Variants in DIAPH3 observed in about 807,000 individuals in gnomAD.
The protein encoded by DIAPH3 is protein diaphanous homolog 3.
Under a neutral mutation model 144.3 loss-of-function variants are expected in DIAPH3, and 117 were observed. The observed-to-expected ratio is 0.81, with a 90% CI of 0.70 to 0.95. The LOEUF (loss-of-function observed/expected upper bound fraction) is 0.95. DIAPH3 is among the 40% of genes least tolerant of loss of function. The pLI is 0.00. For missense variants in DIAPH3, 1,421 were observed against 1,412.7 expected, an observed-to-expected ratio of 1.01 and a Z score of -0.09; for synonymous variants, 519 against 488.9, an observed-to-expected ratio of 1.06 and a Z score of -0.81.
intron 2 of DIAPH3, among the ~76,000 whole-genome samples, chr13:60,114,215 T>C (rs2058643407): frequency 6.9e-6 from 1 of 145,816 alleles, no homozygotes. Context: ...AACGATATAA[T>C]GAAGAGTGGA....
At chr13:59,889,428 C>T (rs1002487736) in intron 20 of DIAPH3, among the ~76,000 whole-genome samples, 2 of 151,984 alleles carry the variant, frequency 1.3e-5, no homozygotes, top group African/African-American at 4.8e-5. Flanking sequence ...AGTTATTGAA[C>T]TTTTCAATAA....
chr13:59,944,571 T>A (rs1207291285), intron 17 of DIAPH3, among the ~76,000 whole-genome samples: 1 of 152,128 alleles, frequency 6.6e-6, no homozygotes, highest in Non-Finnish European at 1.5e-5. Context: ...TCAAAAATTA[T>A]CACACATAAC....
chr13:59,753,195 T>C (rs766842006), intron 27 of DIAPH3, among the ~76,000 whole-genome samples: 2 of 152,176 alleles, frequency 1.3e-5, no homozygotes, highest in African/African-American at 4.8e-5. Flanking sequence ...TAGATAAACT[T>C]GATGAAGCCT....
chr13:60,043,473 A>G (rs1279695093), intron 4 of DIAPH3, among the ~76,000 whole-genome samples: 1 of 152,172 alleles, frequency 6.6e-6, no homozygotes, highest in Non-Finnish European at 1.5e-5. Context: ...AGAATGAGAA[A>G]GGAATTAACT....
intron 19 of DIAPH3, among the ~76,000 whole-genome samples, chr13:59,913,409 TA>T (rs1346281884): frequency 1.3e-5 from 2 of 152,212 alleles, no homozygotes; most frequent in Non-Finnish European, 2.9e-5. Context: ...CAGCCCACAG[TA>T]TTATTACTGC....
chr13:59,895,421 A>C (rs1210091245), intron 20 of DIAPH3, among the ~76,000 whole-genome samples: 1 of 148,488 alleles, frequency 6.7e-6, no homozygotes, highest in African/African-American at 2.5e-5. Context: ...ACTTGATCCA[A>C]TGTTAAAGGA....
chr13:59,761,876 T>A (rs2139194083), intron 27 of DIAPH3, among the ~76,000 whole-genome samples: 1 of 152,046 alleles, frequency 6.6e-6, no homozygotes, highest in Non-Finnish European at 1.5e-5. Flanking sequence ...AAGAAGAGAT[T>A]TCGGCTTCTG....
In DIAPH3 at chr13:59,930,201, TA is replaced by T. The variant is rs946578760; in HGVS notation, c.2075-5332del. On this transcript the variant is annotated intron_variant, in intron 17 of 27. Transcript: ENST00000400324. ...TTACTTATTTTGTCTTTCATTCAGA[TA>T]AAAAAAATTATTAAGCAACTAAAAA... 7.9e-5 allele frequency among the ~76,000 whole-genome samples: 12 copies of T among 152,012 alleles called. No individual in the cohort carries two copies. In the East Asian group the frequency reaches 1.9e-3, roughly 25 times the overall value.
At chr13:60,127,198 T>C (rs1468767887) in intron 2 of DIAPH3, among the ~76,000 whole-genome samples, 1 of 151,738 alleles carries the variant, frequency 6.6e-6, no homozygotes, top group Non-Finnish European at 1.5e-5. Flanking sequence ...GATAAGAAAA[T>C]ATCACAAACA....
intron 27 of DIAPH3, among the ~76,000 whole-genome samples, chr13:59,723,475 A>G (rs1432839841): frequency 7.9e-5 from 12 of 151,922 alleles, no homozygotes; most frequent in African/African-American, 2.7e-4. Flanking sequence ...GTGTGTGTGT[A>G]TGTGTGTGCG....
chr13:59,981,256 CA>C (rs2050995814), intron 13 of DIAPH3, among the ~76,000 whole-genome samples: 3 of 150,920 alleles, frequency 2.0e-5, no homozygotes, highest in Admixed American at 6.6e-5. Flanking sequence ...ATCACCAAAA[CA>C]GATGAATAAA....
chr13:59,768,399 T>C (rs1223905797), intron 27 of DIAPH3, among the ~76,000 whole-genome samples: 1 of 152,152 alleles, frequency 6.6e-6, no homozygotes, highest in Non-Finnish European at 1.5e-5. Context: ...ATGGTAGTTG[T>C]CAACATTTAC....
intron 18 of DIAPH3, among the ~76,000 whole-genome samples, chr13:59,919,583 G>C (rs2047412369): frequency 6.6e-6 from 1 of 152,004 alleles, no homozygotes; most frequent in Non-Finnish European, 1.5e-5. Context: ...AAATCAAGGA[G>C]AGATAGAGTT....
chr13:60,059,008 A>C (rs2056663604), intron 4 of DIAPH3, among the ~76,000 whole-genome samples: 1 of 151,862 alleles, frequency 6.6e-6, no homozygotes, highest in Non-Finnish European at 1.5e-5. Context: ...TGTACCCCTA[A>C]AGCTGTTGAA....
intron 27 of DIAPH3, among the ~76,000 whole-genome samples, chr13:59,747,534 G>C (rs2036765992): frequency 6.6e-6 from 1 of 152,136 alleles, no homozygotes; most frequent in Admixed American, 6.5e-5. Context: ...TTAAAATTCA[G>C]GTCACTCATT....
At chr13:59,874,820 A>G (rs2044510467) in intron 21 of DIAPH3, among the ~76,000 whole-genome samples, 1 of 152,214 alleles carries the variant, frequency 6.6e-6, no homozygotes, top group Non-Finnish European at 1.5e-5. Context: ...TGATTCAATC[A>G]ATCACCTGGA....
intron 18 of DIAPH3, among the ~76,000 whole-genome samples, chr13:59,919,596 CCAGA>C (rs374216697): frequency 1.8e-4 from 27 of 151,916 alleles, no homozygotes; most frequent in African/African-American, 5.8e-4. Context: ...ATAGAGTTTC[CCAGA>C]CAAACAGAAG....
At position 59,756,859 on chromosome 13, in the gene DIAPH3, A is replaced by C. The variant is rs575268440; in HGVS notation, c.3319+17330T>G. Among the ~76,000 whole-genome samples, 3 of 152,340 alleles carry C rather than the reference A, an allele frequency of 2.0e-5. 1 individual carries two copies. In the East Asian group the frequency reaches 5.8e-4, roughly 29 times the overall value. On this transcript the variant is annotated intron_variant, in intron 27 of 27. Coordinates refer to ENST00000400324, the MANE Select transcript of DIAPH3 (RefSeq NM_001042517.2). ...CAGTAATGATAAAAACATACAAATA[A>C]AACCTACTCAATGGCAGCATTGAAA...
chr13:59,685,299 G>A (rs2033157907), intron 27 of DIAPH3, among the ~76,000 whole-genome samples: 1 of 152,058 alleles, frequency 6.6e-6, no homozygotes, highest in Non-Finnish European at 1.5e-5. Context: ...TTTGTTTTGA[G>A]TAGTAATGAA....
Sources: allele counts gnomAD v4.1 joint callset (sites outside exome capture counted in the v4.1 genomes callset), GRCh38; gene constraint gnomAD v4.1.1; transcripts MANE v1.5; gene names NCBI Gene and HGNC (gene_info 2026-07-23, HGNC 2026-07-21).